Variants in ERICH6B observed in about 807,000 individuals in gnomAD.
The protein encoded by ERICH6B is glutamate-rich protein 6B.
ERICH6B carries 69 observed loss-of-function variants against 80.0 expected under a neutral mutation model. That is an observed-to-expected ratio of 0.86 (90% CI 0.71 to 1.05). The LOEUF (loss-of-function observed/expected upper bound fraction) is 1.05, where lower values mean the gene tolerates loss of function less well. Among genes scored for constraint, ERICH6B ranks in the 50% least tolerant of loss-of-function variants. ERICH6B has a pLI of 0.00. For synonymous variants in ERICH6B, 283 were observed against 291.9 expected (o/e 0.97, Z 0.31); for missense variants, 754 against 796.1 (o/e 0.95, Z 0.64).
At chr13:45,580,497 A>G in intron 6 of ERICH6B, 106 bp downstream of exon 6, 1 of 1,200,218 alleles carries the variant, frequency 8.3e-7, no homozygotes, top group Non-Finnish European at 1.2e-6. Flanking sequence ...AAAATGGCCA[A>G]CAGCATGCTC....
At chr13:45,577,094 G>A (rs1377497275) in intron 7 of ERICH6B, among the ~76,000 whole-genome samples, 2 of 151,802 alleles carry the variant, frequency 1.3e-5, no homozygotes, top group Non-Finnish European at 2.9e-5. Context: ...TCTGGAACCT[G>A]GGCCACTTCC....
intron 5 of ERICH6B, among the ~76,000 whole-genome samples, chr13:45,584,713 C>T (rs1875825339): frequency 6.6e-6 from 1 of 152,176 alleles, no homozygotes; most frequent in Admixed American, 6.5e-5. Context: ...CCATGCCTGG[C>T]TTCGTCTTTG....
chr13:45,582,184 C>T (rs558345736), intron 5 of ERICH6B, among the ~76,000 whole-genome samples: 2 of 152,182 alleles, frequency 1.3e-5, no homozygotes, highest in African/African-American at 2.4e-5. Context: ...TCTGTTGAGC[C>T]CCCACCAAGC....
chr13:45,607,861 G>A (rs902404061), intron 1 of ERICH6B, among the ~76,000 whole-genome samples: 3 of 152,194 alleles, frequency 2.0e-5, no homozygotes, highest in Admixed American at 2.0e-4. Flanking sequence ...CCCCTGAATG[G>A]CATCACCAAT....
chr13:45,610,833 C>CTGTGTGTGTGTGTGTG (rs10653696), intron 1 of ERICH6B, among the ~76,000 whole-genome samples: 20 of 147,482 alleles, frequency 1.4e-4, no homozygotes, highest in African/African-American at 4.7e-4. Context: ...TGTGGCAGGA[C>CTGTGTGTGTGTGTGTG]TGTGTGTGTG....
intron 2 of ERICH6B, among the ~76,000 whole-genome samples, chr13:45,604,562 G>A (rs56397107): frequency 0.046 from 6,935 of 152,200 alleles, 170 homozygotes; most frequent in African/African-American, 0.051. Flanking sequence ...GGAAACAGAA[G>A]AGTTTACAGT....
intron 13 of ERICH6B, 89 bp from the exon 14 acceptor site, chr13:45,545,074 C>T (rs1180745980): frequency 8.9e-7 from 1 of 1,125,624 alleles, no homozygotes. Context: ...TTTTCCCCTA[C>T]TTGGCACAGA....
intron 4 of ERICH6B, among the ~76,000 whole-genome samples, chr13:45,588,732 C>T (rs1593321627): frequency 2.6e-5 from 4 of 152,230 alleles, no homozygotes; most frequent in South Asian, 2.1e-4. Flanking sequence ...CACTGTCTGT[C>T]GTGCCTGTTC....
At chr13:45,564,233 A>G (rs1018630461) in intron 9 of ERICH6B, among the ~76,000 whole-genome samples, 2 of 152,224 alleles carry the variant, frequency 1.3e-5, no homozygotes, top group Non-Finnish European at 2.9e-5. Flanking sequence ...GCCTTACTCA[A>G]AAGGACTTAT....
chr13:45,612,811 A>G (rs1398706100), intron 1 of ERICH6B, among the ~76,000 whole-genome samples: 5 of 152,152 alleles, frequency 3.3e-5, no homozygotes, highest in Admixed American at 6.5e-5. Context: ...ATAGAATCAG[A>G]GAGGAAGGGC....
At chr13:45,595,348 A>G (rs918001999) in intron 3 of ERICH6B, among the ~76,000 whole-genome samples, 2 of 152,226 alleles carry the variant, frequency 1.3e-5, no homozygotes, top group Non-Finnish European at 2.9e-5. Flanking sequence ...TGATTTGTAG[A>G]AAGCTTAATA....
chr13:45,575,548 C>T (rs888438473), intron 7 of ERICH6B, among the ~76,000 whole-genome samples: 9 of 152,152 alleles, frequency 5.9e-5, no homozygotes, highest in African/African-American at 2.2e-4. Context: ...AGACTCATTC[C>T]GAGTGTGATT....
At chr13:45,571,663 A>G (rs1875174292) in intron 8 of ERICH6B, among the ~76,000 whole-genome samples, 1 of 152,218 alleles carries the variant, frequency 6.6e-6, no homozygotes, top group African/African-American at 2.4e-5. Context: ...TTAGACTGCA[A>G]TGAAGTCTGT....
chr13:45,601,314 G>A lies in ERICH6B; in HGVS notation c.-58-4251C>T, dbSNP rs149907875. 7.0e-4 allele frequency among the ~76,000 whole-genome samples: 106 copies of A among 152,274 alleles called. 2 individuals carry two copies. Among genetic ancestry groups the A allele is most frequent in the African/African-American group, 2.6e-3 (106 of 41,552 alleles). On this transcript the variant is annotated intron_variant, in intron 2 of 14. Coordinates refer to ENST00000298738, the MANE Select transcript of ERICH6B (RefSeq NM_182542.3). Reference sequence around the variant, plus strand: ...ACTGATAGTACCAGCTACTTGGGAGGCTGAAGCGGGAAGGATCACTTGAAC... The same window carrying A: ...ACTGATAGTACCAGCTACTTGGGAGACTGAAGCGGGAAGGATCACTTGAAC...
rs566344776 is a variant in ERICH6B at position 45,567,060 on chromosome 13, G to T, written c.1187+1255C>A. Among the ~76,000 whole-genome samples, 600 of 152,254 alleles carry T rather than the reference G, an allele frequency of 3.9e-3. 3 individuals are homozygous for T. The highest frequency in any genetic ancestry group is 7.3e-3 in the Non-Finnish European group (497 of 68,020). ...AAAGAAGATTATTTTGGAACTTTAG[G>T]GTTTAATGACTGTCCTATTGGATTT... On this transcript the variant is annotated intron_variant, in intron 9 of 14. Coordinates refer to ENST00000298738, the MANE Select transcript of ERICH6B (RefSeq NM_182542.3).
In ERICH6B at chr13:45,587,156, A is replaced by T; in HGVS notation, c.763T>A (p.Ser255Thr). ...PLTFATPSPV[S>T]ESATESSELL... Reference sequence around the variant, plus strand: ...TCAGAAGACTCTGTGGCAGATTCAGAGACAGGAGAAGGGGTAGCGAAAGTC... The same window carrying T: ...TCAGAAGACTCTGTGGCAGATTCAGTGACAGGAGAAGGGGTAGCGAAAGTC... Residue 255 changes from serine (S) to threonine (T), a missense_variant, in exon 5 of 15, where the codon TCT becomes ACT. Coordinates refer to ENST00000298738, the MANE Select transcript of ERICH6B (RefSeq NM_182542.3). 3 of 1,551,682 alleles carry T rather than the reference A, an allele frequency of 1.9e-6. No individual in the cohort carries two copies. Among genetic ancestry groups the T allele is most frequent in the Non-Finnish European group, 2.6e-6 (3 of 1,146,980 alleles).
At chr13:45,579,107 C>A (rs1275338824) in intron 7 of ERICH6B, among the ~76,000 whole-genome samples, 1 of 152,228 alleles carries the variant, frequency 6.6e-6, no homozygotes, top group African/African-American at 2.4e-5. Flanking sequence ...AACAAGATTA[C>A]CAGGTAGTTG....
At chr13:45,580,798 G>T in intron 5 of ERICH6B, 133 bp from the exon 6 acceptor site, 1 of 814,176 alleles carries the variant, frequency 1.2e-6, no homozygotes, top group Non-Finnish European at 2.0e-6. Context: ...GGGAACTGAG[G>T]CTGGCGGCAC....
intron 11 of ERICH6B, 81 bp from the exon 12 acceptor site, chr13:45,550,397 C>T: frequency 4.2e-6 from 5 of 1,187,734 alleles, no homozygotes; most frequent in Non-Finnish European, 4.8e-6. Flanking sequence ...CGGTGTGGAC[C>T]CCATCTGCTT....
Sources: allele counts gnomAD v4.1 joint callset (sites outside exome capture counted in the v4.1 genomes callset), GRCh38; gene constraint gnomAD v4.1.1; transcripts MANE v1.5; gene names NCBI Gene and HGNC (gene_info 2026-07-23, HGNC 2026-07-21).